KIF17: variants seen among roughly 807,000 people sequenced by gnomAD.
KIF17 encodes kinesin family member 17.
A neutral mutation model predicts 96.8 loss-of-function variants in KIF17; 80 were observed. The ratio of observed to expected loss-of-function variants is 0.83; its 90% confidence interval spans 0.69 to 1.00. The LOEUF is 1.00. Among genes scored for constraint, KIF17 ranks in the 50% least tolerant of loss-of-function variants. The pLI, the probability that KIF17 is intolerant of heterozygous loss-of-function variation, is 0.00. For synonymous variants in KIF17, 567 were observed against 587.5 expected (o/e 0.97, Z 0.51); for missense variants, 1,280 against 1,372.9 (o/e 0.93, Z 1.07).
At chr1:20,676,737 A>G (rs535434610) in intron 11 of KIF17, among the ~76,000 whole-genome samples, 2 of 152,134 alleles carry the variant, frequency 1.3e-5, no homozygotes, top group Non-Finnish European at 2.9e-5. Context: ...AGGCTGAGGC[A>G]GGAGAATCAC....
intron 7 of KIF17, among the ~76,000 whole-genome samples, chr1:20,689,837 C>A (rs746980431): frequency 6.6e-6 from 1 of 152,136 alleles, no homozygotes; most frequent in Non-Finnish European, 1.5e-5. Context: ...GAAAGGGTGG[C>A]ACTTCACAGC....
chr1:20,682,921 C>T (rs373433546), intron 10 of KIF17, 37 bp from the exon 11 acceptor site: 1 of 1,570,026 alleles, frequency 6.4e-7, no homozygotes, highest in South Asian at 1.1e-5. Context: ...AAGACAATAT[C>T]TGCCCATCAC....
rs1446502506 is a variant in KIF17 at position 20,713,302 on chromosome 1, GT to G, written c.480+151del. The G allele has an allele frequency of 7.1e-5, 43 of 602,036 alleles. No individual in the cohort carries two copies. The East Asian group carries it at 1.1e-3, about 15-fold the overall frequency. The allele number at this position is 602,036 out of a possible 1,614,324, so 37.3% of individuals were successfully genotyped here. A position where few individuals can be genotyped will look rare whatever the true frequency, so the allele number is the denominator to read the frequency against. ...AGAGCCACTGCACCTGCCTAAAAAAGTTTTTTTTAATTAAAAAAAAAAAAAA... is the reference window on the plus strand; with the variant it reads ...AGAGCCACTGCACCTGCCTAAAAAAGTTTTTTTAATTAAAAAAAAAAAAAA... On this transcript the variant is annotated intron_variant, in intron 3 of 14. Coordinates refer to ENST00000400463, the MANE Select transcript of KIF17 (RefSeq NM_001122819.3).
chr1:20,678,806 C>A (rs370843873), intron 11 of KIF17, among the ~76,000 whole-genome samples: 1 of 152,072 alleles, frequency 6.6e-6, no homozygotes, highest in African/African-American at 2.4e-5. Flanking sequence ...GAGACCAGTA[C>A]GTGTGCAGGA....
chr1:20,672,109 C>T lies in KIF17; in HGVS notation c.2551G>A (p.Glu851Lys), dbSNP rs1557582847. Residue 851 changes from glutamate (E) to lysine (K), a missense_variant, in exon 12 of 15, where the codon GAG becomes AAG. Transcript: ENST00000400463. This position sits in a 1 kb window ranked among gnomAD's most constrained non-coding sequence, Gnocchi z 4.3. ...IDYLATIRRQ[E>K]RDSMLLQQLL... ...TGCTGCAAGAGCATGGAGTCACGCT[C>T]CTGCCGGCGGATGGTGGCCAAGTAA... is the stretch of plus-strand genomic sequence containing the variant. 1 of 1,614,212 alleles carries T rather than the reference C, an allele frequency of 6.2e-7. No individual in the cohort carries two copies. The highest frequency in any genetic ancestry group is 8.5e-7 in the Non-Finnish European group (1 of 1,180,056).
chr1:20,663,278 G>A (rs2053468905), downstream of KIF17, among the ~76,000 whole-genome samples: 1 of 152,136 alleles, frequency 6.6e-6, no homozygotes, highest in Non-Finnish European at 1.5e-5. Flanking sequence ...CTCTGACTCA[G>A]GACGTACTGC....
At chr1:20,691,231 G>A (rs2054034567) in intron 6 of KIF17, among the ~76,000 whole-genome samples, 1 of 151,300 alleles carries the variant, frequency 6.6e-6, no homozygotes, top group Admixed American at 6.6e-5. Flanking sequence ...AGTGGAGGTT[G>A]CAGTGAGCCG....
chr1:20,668,123 A>G (rs1243230273), intron 13 of KIF17, among the ~76,000 whole-genome samples: 1 of 152,112 alleles, frequency 6.6e-6, no homozygotes. Context: ...ATCCTGGCTA[A>G]CATGGTGAAA....
At chr1:20,698,646 T>C (rs4654868) in intron 5 of KIF17, among the ~76,000 whole-genome samples, 158 bp from the exon 6 acceptor site, 8,122 of 152,300 alleles carry the variant, frequency 0.053, 278 homozygotes, top group Admixed American at 0.11. Context: ...CTGTTAGTCA[T>C]CCAACAAATA....
At position 20,699,435 on chromosome 1, in the gene KIF17, G is replaced by A. The variant is rs1226792586; in HGVS notation, c.1124-947C>T. Among the ~76,000 whole-genome samples, 1 of 152,130 alleles carries A rather than the reference G, an allele frequency of 6.6e-6. No homozygotes were observed. Among genetic ancestry groups the A allele is most frequent in the Non-Finnish European group, 1.5e-5 (1 of 68,022 alleles). On this transcript the variant is annotated intron_variant, in intron 5 of 14. Transcript: ENST00000400463. This position sits in a 1 kb window ranked among gnomAD's most constrained non-coding sequence, Gnocchi z 4.3. Reference sequence around the variant, plus strand: ...ACAAAAATTAGCTAGGCATGGTGGCGGGAGCCTGTAATCCCAGCTACTCAG... The same window carrying A: ...ACAAAAATTAGCTAGGCATGGTGGCAGGAGCCTGTAATCCCAGCTACTCAG...
At chr1:20,713,943 T>G (rs904520683) in intron 2 of KIF17, among the ~76,000 whole-genome samples, 1 of 151,834 alleles carries the variant, frequency 6.6e-6, no homozygotes, top group African/African-American at 2.4e-5. Flanking sequence ...TCCCAGCACT[T>G]TCGGAGGCCT....
intron 7 of KIF17, 96 bp from the exon 8 acceptor site, chr1:20,688,040 G>GTTTGTTTTTTT (rs956883942): frequency 9.3e-7 from 1 of 1,076,578 alleles, no homozygotes; most frequent in Admixed American, 2.1e-5. Context: ...TGTTTTTTTT[G>GTTTGTTTTTTT]TTTGTTTTTT....
Position 20,698,538 on chromosome 1 carries a change from C to CAGG in KIF17, c.1124-53_1124-51dup, listed in dbSNP as rs777689707. ...GCCAGGATGAGGGGCACATTGTGTG[C>CAGG]AGGAACTAAGCAGAAATCTATAAAA... On this transcript the variant is annotated intron_variant, in intron 5 of 14. Coordinates refer to ENST00000400463, the MANE Select transcript of KIF17 (RefSeq NM_001122819.3). 4 of 1,227,316 alleles carry CAGG rather than the reference C, an allele frequency of 3.3e-6. No homozygotes were observed. In the East Asian group the frequency reaches 9.3e-5, roughly 28 times the overall value. The allele number at this position is 1,227,316 out of a possible 1,614,324, so 76.0% of individuals were successfully genotyped here.
At chr1:20,671,711 C>T (rs969881021) in intron 12 of KIF17, among the ~76,000 whole-genome samples, 1 of 152,126 alleles carries the variant, frequency 6.6e-6, no homozygotes, top group African/African-American at 2.4e-5. Context: ...ATGAAGACAC[C>T]GAGTCCCAAA....
rs762538762 is a variant in KIF17 at position 20,685,218 on chromosome 1, C to G, written c.2020-198G>C. 1 of 698,646 alleles carries G rather than the reference C, an allele frequency of 1.4e-6. No individual in the cohort carries two copies. The highest frequency in any genetic ancestry group is 1.5e-5 in the South Asian group (1 of 66,710). The allele number at this position is 698,646 out of a possible 1,614,324, so 43.3% of individuals were successfully genotyped here. ...GCCGCTATTCCCACTGACACCCCCA[C>G]GCTAGGAGGAAGGCTCCCAGCTTCC... On this transcript the variant is annotated intron_variant, in intron 9 of 14. Coordinates refer to ENST00000400463, the MANE Select transcript of KIF17 (RefSeq NM_001122819.3). This position sits in a 1 kb window ranked among gnomAD's most constrained non-coding sequence, Gnocchi z 4.1.
rs1164970459 is a variant in KIF17, at chr1:20,699,606, TAGTCAAGGCATGA to T, written c.1124-1131_1124-1119del. On this transcript the variant is annotated intron_variant, in intron 5 of 14. Coordinates refer to ENST00000400463, the MANE Select transcript of KIF17 (RefSeq NM_001122819.3). This position sits in a 1 kb window ranked among gnomAD's most constrained non-coding sequence, Gnocchi z 4.3. ...AATAGCTTATTTATTGAAGGCCTTT[TAGTCAAGGCATGA>T]AGGAAGCAGCGAGGAGAGGGCGGGC... Among the ~76,000 whole-genome samples the T allele has an allele frequency of 6.6e-6, 1 of 152,120 alleles. No homozygotes were observed. The highest frequency in any genetic ancestry group is 1.5e-5 in the Non-Finnish European group (1 of 68,018).
rs1467224785 is a variant in KIF17 at position 20,672,652 on chromosome 1, C to T, written c.2464-456G>A. On this transcript the variant is annotated intron_variant, in intron 11 of 14. Coordinates refer to ENST00000400463, the MANE Select transcript of KIF17 (RefSeq NM_001122819.3). This position sits in a 1 kb window ranked among gnomAD's most constrained non-coding sequence, Gnocchi z 4.3. The stretch of plus-strand genomic sequence containing the variant: ...AGGAGGACAACAGGCACAAACTCTC[C>T]GACTTGACAATCCTCACTCTCCCAC... 2.0e-5 allele frequency among the ~76,000 whole-genome samples: 3 copies of T among 152,182 alleles called. No individual in the cohort carries two copies. The highest frequency in any genetic ancestry group is 6.5e-5 in the Admixed American group (1 of 15,276).
chr1:20,698,974 G>C (rs2054188957), intron 5 of KIF17, among the ~76,000 whole-genome samples: 1 of 152,138 alleles, frequency 6.6e-6, no homozygotes, highest in African/African-American at 2.4e-5. Context: ...TATCGAGACA[G>C]GGTCTTGCTC....
intron 6 of KIF17, among the ~76,000 whole-genome samples, chr1:20,695,177 T>C (rs1226074031): frequency 6.6e-6 from 1 of 151,884 alleles, no homozygotes; most frequent in Admixed American, 6.6e-5. Flanking sequence ...CCAATCTCCA[T>C]TCTTTTTTTA....
Sources: allele counts gnomAD v4.1 joint callset (sites outside exome capture counted in the v4.1 genomes callset), GRCh38; gene constraint gnomAD v4.1.1; non-coding constraint Gnocchi (gnomAD v3.1); transcripts MANE v1.5; gene names NCBI Gene and HGNC (gene_info 2026-07-23, HGNC 2026-07-21).